Variants in SUSD6 observed in about 807,000 individuals in gnomAD.
SUSD6 encodes sushi domain containing 6.
Under a neutral mutation model 28.4 loss-of-function variants are expected in SUSD6, and 16 were observed. The observed-to-expected ratio is 0.56, with a 90% confidence interval of 0.38 to 0.86. The LOEUF (loss-of-function observed/expected upper bound fraction) is 0.86, where lower values mean the gene tolerates loss of function less well. Among genes scored for constraint, SUSD6 ranks in the 40% least tolerant of loss-of-function variants. The pLI, the probability that SUSD6 is intolerant of heterozygous loss-of-function variation, is 0.00. For missense variants in SUSD6, 341 were observed against 384.2 expected (o/e 0.89, Z 0.94); for synonymous variants, 147 against 159.6 (o/e 0.92, Z 0.59).
chr14:69,645,191 G>A (rs1416860377), intron 1 of SUSD6, among the ~76,000 whole-genome samples: 1 of 152,190 alleles, frequency 6.6e-6, no homozygotes, highest in African/African-American at 2.4e-5. Flanking sequence ...CATTGGGGCT[G>A]TTAAGCTTCA....
chr14:69,672,505 G>A (rs1885848165), intron 2 of SUSD6, among the ~76,000 whole-genome samples: 1 of 152,176 alleles, frequency 6.6e-6, no homozygotes, highest in African/African-American at 2.4e-5. Context: ...AAGCAGAGAG[G>A]GGGCTGGCAG....
chr14:69,704,038 G>T (rs56399658), intron 3 of SUSD6, among the ~76,000 whole-genome samples: 32,926 of 152,082 alleles, frequency 0.22, 3,881 homozygotes, highest in South Asian at 0.31. Flanking sequence ...CTGCTTGCAG[G>T]AAAGTGTGTC....
chr14:69,636,220 GC>G (rs1885263596), intron 1 of SUSD6, among the ~76,000 whole-genome samples: 1 of 152,238 alleles, frequency 6.6e-6, no homozygotes. Context: ...TGGGCGGCAG[GC>G]TATAGAACCA....
chr14:69,652,631 C>G (rs552534223), intron 1 of SUSD6, among the ~76,000 whole-genome samples: 1 of 152,300 alleles, frequency 6.6e-6, no homozygotes, highest in Admixed American at 6.5e-5. Flanking sequence ...AGGACTATGG[C>G]ATTCTCAGCA....
chr14:69,711,069 C>T lies in SUSD6; in HGVS notation c.*90C>T. 2.3e-6 allele frequency: 3 copies of T among 1,324,952 alleles called. No individual in the cohort carries two copies. Among genetic ancestry groups the T allele is most frequent in the South Asian group, 1.2e-5 (1 of 84,600 alleles). The allele number at this position is 1,324,952 out of a possible 1,614,324, so 82.1% of individuals were successfully genotyped here. On this transcript the variant is annotated 3_prime_UTR_variant, in exon 6 of 6. Transcript: ENST00000342745. ...TTGAGCACCCTGTACTCTCCAGCCA[C>T]CTTACCTGGATACCTGAGCTGCCAC...
chr14:69,704,241 T>G (rs1886355407), intron 3 of SUSD6, among the ~76,000 whole-genome samples: 2 of 152,222 alleles, frequency 1.3e-5, no homozygotes, highest in South Asian at 4.1e-4. Context: ...GAACTTAAGA[T>G]GGTGGAATGA....
intron 2 of SUSD6, among the ~76,000 whole-genome samples, chr14:69,700,884 G>GT (rs749773081): frequency 1.9e-4 from 29 of 151,804 alleles, no homozygotes; most frequent in Non-Finnish European, 3.5e-4. Context: ...CCATGAGTCT[G>GT]TTTTTTTTGT....
At chr14:69,690,910 C>T (rs538703015) in intron 2 of SUSD6, among the ~76,000 whole-genome samples, 1 of 152,088 alleles carries the variant, frequency 6.6e-6, no homozygotes, top group Non-Finnish European at 1.5e-5. Context: ...TCCCCCCGCA[C>T]CAAAAAACCA....
chr14:69,629,810 C>T (rs1368106623), intron 1 of SUSD6, among the ~76,000 whole-genome samples: 2 of 152,146 alleles, frequency 1.3e-5, no homozygotes, highest in African/African-American at 2.4e-5. Context: ...CTAGTATGTG[C>T]GTGTGTTGGG....
intron 2 of SUSD6, among the ~76,000 whole-genome samples, chr14:69,677,237 C>A (rs1885923266): frequency 6.6e-6 from 1 of 152,222 alleles, no homozygotes; most frequent in Admixed American, 6.5e-5. Context: ...TCTGGCCTTG[C>A]TCAGAGTTAC....
intron 2 of SUSD6, among the ~76,000 whole-genome samples, chr14:69,678,954 C>A (rs1053294247): frequency 6.6e-6 from 1 of 152,198 alleles, no homozygotes; most frequent in African/African-American, 2.4e-5. Context: ...AAATGCACTT[C>A]AACTTTCTGC....
chr14:69,700,269 A>G (rs1594722698), intron 2 of SUSD6, among the ~76,000 whole-genome samples: 1 of 152,182 alleles, frequency 6.6e-6, no homozygotes. Flanking sequence ...TGCCGTCACT[A>G]TCTGCCTAAA....
intron 2 of SUSD6, among the ~76,000 whole-genome samples, chr14:69,679,435 G>T (rs1395136229): frequency 2.0e-5 from 3 of 152,096 alleles, no homozygotes; most frequent in African/African-American, 4.8e-5. Context: ...TGGTAATATT[G>T]ATAGGTGTAA....
chr14:69,696,273 T>C (rs1052311745), intron 2 of SUSD6, among the ~76,000 whole-genome samples: 1 of 152,208 alleles, frequency 6.6e-6, no homozygotes, highest in Non-Finnish European at 1.5e-5. Flanking sequence ...ATTGTCCTTA[T>C]CTGTAAAGTG....
intron 2 of SUSD6, among the ~76,000 whole-genome samples, 165 bp from the exon 3 acceptor site, chr14:69,703,230 T>G (rs140461885): frequency 1.3e-5 from 2 of 152,306 alleles, no homozygotes; most frequent in Non-Finnish European, 1.5e-5. Context: ...TTCCCCTCTG[T>G]CAGTGGCAAC....
At chr14:69,651,849 G>A (rs995742027) in intron 1 of SUSD6, among the ~76,000 whole-genome samples, 3 of 152,216 alleles carry the variant, frequency 2.0e-5, no homozygotes, top group Non-Finnish European at 2.9e-5. Context: ...AGCTTTGGCT[G>A]TATTAGTCAT....
intron 2 of SUSD6, among the ~76,000 whole-genome samples, chr14:69,667,668 C>T (rs1412178286): frequency 1.3e-5 from 2 of 152,066 alleles, no homozygotes; most frequent in Non-Finnish European, 1.5e-5. Flanking sequence ...CAGGTGTGAG[C>T]CACTGTGCCT....
chr14:69,702,036 T>A (rs1187297104), intron 2 of SUSD6, among the ~76,000 whole-genome samples: 1 of 151,906 alleles, frequency 6.6e-6, no homozygotes, highest in African/African-American at 2.4e-5. Context: ...CAGGGTGGTG[T>A]GGTCTGCCCC....
chr14:69,672,645 CA>C (rs1054962080), intron 2 of SUSD6, among the ~76,000 whole-genome samples: 17 of 152,354 alleles, frequency 1.1e-4, no homozygotes, highest in African/African-American at 4.1e-4. Flanking sequence ...CAGGAAGTGT[CA>C]GGGGGACCCA....
Sources: allele counts gnomAD v4.1 joint callset (sites outside exome capture counted in the v4.1 genomes callset), GRCh38; gene constraint gnomAD v4.1.1; transcripts MANE v1.5; gene names NCBI Gene and HGNC (gene_info 2026-07-23, HGNC 2026-07-21).